Variants in ABHD6 observed in about 807,000 individuals in gnomAD.
ABHD6 encodes abhydrolase domain containing 6, acylglycerol lipase.
Under a neutral mutation model 38.8 loss-of-function variants are expected in ABHD6, and 33 were observed. The observed-to-expected ratio is 0.85, with a 90% CI of 0.64 to 1.14. The LOEUF (loss-of-function observed/expected upper bound fraction) is 1.14. Ranked by LOEUF, ABHD6 falls within the 50% of genes most tolerant of loss-of-function variation. The probability of loss-of-function intolerance (pLI) is 0.00; values close to 1 mark genes in which losing one functional copy is unlikely to be tolerated. For missense variants in ABHD6, 380 were observed against 422.6 expected (o/e 0.90, Z 0.88); for synonymous variants, 147 against 161.6 (o/e 0.91, Z 0.69).
rs1243604051 is a variant in ABHD6 at position 58,286,855 on chromosome 3, T to TGC, written c.837+1402_837+1403insGC. ...GTGTGTGTGTGTGTGTGTGTGTGTA[T>TGC]ATATATATATATATGTATATGTATA... is the stretch of plus-strand genomic sequence containing the variant. On this transcript the variant is annotated intron_variant, in intron 9 of 9. Transcript: ENST00000478253. Among the ~76,000 whole-genome samples, 44 of 80,788 alleles carry TGC rather than the reference T, an allele frequency of 5.4e-4. 5 individuals are homozygous for TGC. In the East Asian group the frequency reaches 0.057, roughly 104 times the overall value. The allele number at this position is 80,788 out of a possible 152,430, so 53.0% of individuals were successfully genotyped here.
intron 5 of ABHD6, among the ~76,000 whole-genome samples, chr3:58,270,572 G>A (rs1575524624): frequency 6.6e-6 from 1 of 151,928 alleles, no homozygotes; most frequent in East Asian, 1.9e-4. Context: ...TACTCGGGAG[G>A]CTGAGATGGG....
At position 58,287,722 on chromosome 3, in the gene ABHD6, C is replaced by T. The variant is rs535234079; in HGVS notation, c.837+2269C>T. ...AGGAGCCAACAGGGAGAGGCTGTAA[C>T]CCATCTTCCTGTGGAGACAGCGCAG... On this transcript the variant is annotated intron_variant, in intron 9 of 9. Coordinates refer to ENST00000478253, the MANE Select transcript of ABHD6 (RefSeq NM_001320126.2). The surrounding 1 kb of genome is among the most constrained non-coding windows in gnomAD (Gnocchi z 4.7). Among the ~76,000 whole-genome samples, 2 of 152,334 alleles carry T rather than the reference C, an allele frequency of 1.3e-5. No homozygotes were observed. Among genetic ancestry groups the T allele is most frequent in the Non-Finnish European group, 2.9e-5 (2 of 68,034 alleles).
chr3:58,253,200 G>A (rs1469733013), intron 2 of ABHD6, among the ~76,000 whole-genome samples: 1 of 151,838 alleles, frequency 6.6e-6, no homozygotes, highest in Non-Finnish European at 1.5e-5. Flanking sequence ...CCTTCATTTC[G>A]GGGCTATCAT....
At chr3:58,245,379 T>A (rs2097425675) in intron 1 of ABHD6, among the ~76,000 whole-genome samples, 1 of 150,612 alleles carries the variant, frequency 6.6e-6, no homozygotes, top group Non-Finnish European at 1.5e-5. Context: ...TTGGCCAGGC[T>A]GGTCTCGAAC....
chr3:58,275,871 G>C lies in ABHD6; in HGVS notation c.681+1056G>C, dbSNP rs542209422. The stretch of plus-strand genomic sequence containing the variant: ...TATGAGTGAGAACATGTGGTGTTTG[G>C]TTTTCTTTCCTTGTGATAGTTTGCT... On this transcript the variant is annotated intron_variant, in intron 7 of 9. Transcript: ENST00000478253. 3.4e-4 allele frequency among the ~76,000 whole-genome samples: 51 copies of C among 152,132 alleles called. 1 individual carries two copies.
At chr3:58,278,163 T>G (rs2097450102) in intron 7 of ABHD6, among the ~76,000 whole-genome samples, 1 of 152,220 alleles carries the variant, frequency 6.6e-6, no homozygotes, top group Non-Finnish European at 1.5e-5. Flanking sequence ...TTGGAATCGT[T>G]TCCAAAGGAA....
At position 58,256,841 on chromosome 3, in the gene ABHD6, T is replaced by C. The variant is rs2097433735; in HGVS notation, c.119+136T>C. ...AGAGAGAAAAGTTGAAAGGTACTCATCCTGTTTGGAATTTTGGGAATGCTC... is the reference window on the plus strand; with the variant it reads ...AGAGAGAAAAGTTGAAAGGTACTCACCCTGTTTGGAATTTTGGGAATGCTC... On this transcript the variant is annotated intron_variant, in intron 3 of 9. Coordinates refer to ENST00000478253, the MANE Select transcript of ABHD6 (RefSeq NM_001320126.2). This position sits in a 1 kb window ranked among gnomAD's most constrained non-coding sequence, Gnocchi z 4.3. The C allele has an allele frequency of 1.4e-6, 1 of 729,016 alleles. No individual in the cohort carries two copies. Among genetic ancestry groups the C allele is most frequent in the Admixed American group, 2.4e-5 (1 of 40,990 alleles). The allele number at this position is 729,016 out of a possible 1,614,324, so 45.2% of individuals were successfully genotyped here.
At position 58,285,492 on chromosome 3, in the gene ABHD6, C is replaced by T. The variant is rs2097456259; in HGVS notation, c.837+39C>T. On this transcript the variant is annotated intron_variant, in intron 9 of 9. Transcript: ENST00000478253. This position sits in a 1 kb window ranked among gnomAD's most constrained non-coding sequence, Gnocchi z 4.9. Reference sequence around the variant, plus strand: ...CCCCGCGGCAGTCTGTGCTGGTCACCAGGGCCTCTGAGGAAAAACGTCCTT... The same window carrying T: ...CCCCGCGGCAGTCTGTGCTGGTCACTAGGGCCTCTGAGGAAAAACGTCCTT... The T allele has an allele frequency of 6.4e-7, 1 of 1,559,704 alleles. No homozygotes were observed. Among genetic ancestry groups the T allele is most frequent in the African/African-American group, 1.4e-5 (1 of 73,770 alleles).
At position 58,273,402 on chromosome 3, in the gene ABHD6, TA is replaced by T. The variant is rs1048810588; in HGVS notation, c.524-1247del. ...CCCCATCTCTGCAAAAATATAAAAT[TA>T]AAAAAAAATCTAACATTCACACATA... On this transcript the variant is annotated intron_variant, in intron 6 of 9. Coordinates refer to ENST00000478253, the MANE Select transcript of ABHD6 (RefSeq NM_001320126.2). This position sits in a 1 kb window ranked among gnomAD's most constrained non-coding sequence, Gnocchi z 4.8. Among the ~76,000 whole-genome samples the T allele has an allele frequency of 5.3e-5, 8 of 151,294 alleles. No individual in the cohort carries two copies. Among genetic ancestry groups the T allele is most frequent in the African/African-American group, 1.7e-4 (7 of 41,124 alleles).
In ABHD6 at chr3:58,267,775, C is replaced by T. The variant is rs939142192; in HGVS notation, c.276+430C>T. 1.3e-5 allele frequency among the ~76,000 whole-genome samples: 2 copies of T among 152,130 alleles called. No individual in the cohort carries two copies. Among genetic ancestry groups the T allele is most frequent in the African/African-American group, 4.8e-5 (2 of 41,442 alleles). On this transcript the variant is annotated intron_variant, in intron 4 of 9. Coordinates refer to ENST00000478253, the MANE Select transcript of ABHD6 (RefSeq NM_001320126.2). The surrounding 1 kb of genome is among the most constrained non-coding windows in gnomAD (Gnocchi z 4.3). The stretch of plus-strand genomic sequence containing the variant: ...AACTCAGAACTGTGGTGGTTCAAGT[C>T]ATATTAGAACTAATGCAGTGTGGCC...
Position 58,269,401 on chromosome 3 carries a change from G to C in ABHD6, c.357G>C (p.Leu119=), listed in dbSNP as rs763105411. The change falls in exon 5 of 10, where the codon CTG becomes CTC. Residue 119 remains leucine (L), a synonymous_variant. Coordinates refer to ENST00000478253, the MANE Select transcript of ABHD6 (RefSeq NM_001320126.2). The surrounding 1 kb of genome is among the most constrained non-coding windows in gnomAD (Gnocchi z 4.4). ...CCACCCGCTCCTCCCTGGATGACCTGTCCATAGATGGGCAAGTTAAGAGGA... is the reference window on the plus strand; with the variant it reads ...CCACCCGCTCCTCCCTGGATGACCTCTCCATAGATGGGCAAGTTAAGAGGA... ...EGTTRSSLDD[L]SIDGQVKRIH... is the part of the protein sequence containing the mutation. 1 of 1,613,886 alleles carries C rather than the reference G, an allele frequency of 6.2e-7. No individual in the cohort carries two copies. Among genetic ancestry groups the C allele is most frequent in the Admixed American group, 1.7e-5 (1 of 60,006 alleles).
chr3:58,270,943 C>T lies in ABHD6; in HGVS notation c.402C>T (p.Cys134=). ...QVKRIHQFVE[C]LKLNKKPFHL... Reference sequence around the variant, plus strand: ...ATTTCCCTTCCTAGTTTGTAGAATGCCTGAAGCTGAACAAAAAACCTTTCC... The same window carrying T: ...ATTTCCCTTCCTAGTTTGTAGAATGTCTGAAGCTGAACAAAAAACCTTTCC... Residue 134 remains cysteine (C), a synonymous_variant, in exon 6 of 10, where the codon TGC becomes TGT. Coordinates refer to ENST00000478253, the MANE Select transcript of ABHD6 (RefSeq NM_001320126.2). 1 of 1,606,458 alleles carries T rather than the reference C, an allele frequency of 6.2e-7. No individual in the cohort carries two copies. The highest frequency in any genetic ancestry group is 8.5e-7 in the Non-Finnish European group (1 of 1,177,286).
chr3:58,260,424 G>T (rs899092806), intron 3 of ABHD6, among the ~76,000 whole-genome samples: 1 of 152,222 alleles, frequency 6.6e-6, no homozygotes, highest in Non-Finnish European at 1.5e-5. Flanking sequence ...TGACACGGGG[G>T]ATTATGATTT....
intron 3 of ABHD6, chr3:58,258,307 C>CAA: frequency 5.2e-6 from 2 of 388,182 alleles, no homozygotes; most frequent in Non-Finnish European, 1.0e-5. Context: ...AACTGCATCT[C>CAA]AAAAAAAAAT....
chr3:58,271,283 T>C (rs1331605160), intron 6 of ABHD6, among the ~76,000 whole-genome samples: 1 of 151,850 alleles, frequency 6.6e-6, no homozygotes, highest in Non-Finnish European at 1.5e-5. Flanking sequence ...ACACCAAGAA[T>C]TTGAGGTGGG....
chr3:58,276,234 A>G (rs1358357835), intron 7 of ABHD6, among the ~76,000 whole-genome samples: 2 of 152,238 alleles, frequency 1.3e-5, no homozygotes, highest in Non-Finnish European at 2.9e-5. Flanking sequence ...TCCCACCAAC[A>G]GTGTAAAAGC....
At chr3:58,286,898 G>GA (rs1440053446) in intron 9 of ABHD6, among the ~76,000 whole-genome samples, 1 of 83,118 alleles carries the variant, frequency 1.2e-5, no homozygotes, top group East Asian at 3.8e-4. Context: ...AGGTATCTTG[G>GA]AAATCATTTT....
chr3:58,271,489 C>T (rs909750193), intron 6 of ABHD6, among the ~76,000 whole-genome samples: 1 of 152,024 alleles, frequency 6.6e-6, no homozygotes, highest in Admixed American at 6.6e-5. Context: ...TGCAGTAGCC[C>T]TGTGAGGTAA....
chr3:58,252,073 C>T (rs1040167443), intron 2 of ABHD6, among the ~76,000 whole-genome samples: 4 of 152,066 alleles, frequency 2.6e-5, no homozygotes, highest in South Asian at 2.1e-4. Context: ...GGAAGAGCCA[C>T]GATGGAGAGG....
Sources: allele counts gnomAD v4.1 joint callset (sites outside exome capture counted in the v4.1 genomes callset), GRCh38; gene constraint gnomAD v4.1.1; non-coding constraint Gnocchi (gnomAD v3.1); transcripts MANE v1.5; gene names NCBI Gene and HGNC (gene_info 2026-07-23, HGNC 2026-07-21).